The following FAM168A variants were observed in gnomAD, a reference collection of about 807,000 sequenced individuals.
The protein encoded by FAM168A is protein FAM168A.
FAM168A carries 3 observed loss-of-function variants against 28.5 expected under a neutral mutation model. The ratio of observed to expected loss-of-function variants is 0.11; its 90% confidence interval spans 0.05 to 0.27. The LOEUF (loss-of-function observed/expected upper bound fraction) is 0.27. FAM168A is among the 10% of genes least tolerant of loss of function. The pLI is 1.00. For missense variants in FAM168A, 222 were observed against 311.5 expected (o/e 0.71, Z 2.16); for synonymous variants, 122 against 124.2 (o/e 0.98, Z 0.12).
At chr11:73,459,495 A>G (rs980373356) in intron 2 of FAM168A, among the ~76,000 whole-genome samples, 2 of 150,716 alleles carry the variant, frequency 1.3e-5, no homozygotes, top group Non-Finnish European at 3.0e-5. Context: ...CAAAAAAAGA[A>G]AAAAAAAAGG....
chr11:73,579,310 T>C lies in FAM168A; in HGVS notation c.-19+18613A>G, dbSNP rs77469108. 5.9e-3 allele frequency among the ~76,000 whole-genome samples: 892 copies of C among 152,328 alleles called. 8 individuals carry two copies. Among genetic ancestry groups the C allele is most frequent in the Middle Eastern group, 0.027 (8 of 294 alleles). On this transcript the variant is annotated intron_variant, in intron 1 of 7. Coordinates refer to ENST00000356467, the MANE Select transcript of FAM168A (RefSeq NM_015159.3). ...CACTTTAGTTACTTCCTAACAATTA[T>C]ATAATGTAAATACCATTATGTCTCC...
intron 1 of FAM168A, among the ~76,000 whole-genome samples, chr11:73,524,622 G>C (rs1306662522): frequency 1.3e-5 from 2 of 151,646 alleles, no homozygotes; most frequent in African/African-American, 4.9e-5. Flanking sequence ...ATATGAAATA[G>C]AGTCTTGCTC....
intron 2 of FAM168A, among the ~76,000 whole-genome samples, chr11:73,451,445 A>ACTTTG (rs1341812562): frequency 2.0e-5 from 3 of 152,208 alleles, no homozygotes; most frequent in Non-Finnish European, 2.9e-5. Flanking sequence ...TTGAGAGTTC[A>ACTTTG]CTTTGTGTTA....
intron 1 of FAM168A, among the ~76,000 whole-genome samples, chr11:73,474,347 T>G (rs551661): frequency 1 from 151,382 of 152,004 alleles, 75,397 homozygotes; most frequent in Middle Eastern, 1. Context: ...TTTTTAAAGA[T>G]ATGGGGTCTT....
At chr11:73,573,501 C>G (rs1944133466) in intron 1 of FAM168A, among the ~76,000 whole-genome samples, 1 of 152,202 alleles carries the variant, frequency 6.6e-6, no homozygotes, top group Non-Finnish European at 1.5e-5. Context: ...TTCCACTATG[C>G]AGTTACATTC....
intron 2 of FAM168A, among the ~76,000 whole-genome samples, chr11:73,439,879 C>CTTTTTTTTTTTTTTTTTTTT (rs761818483): frequency 1.0e-5 from 1 of 97,042 alleles, no homozygotes; most frequent in Non-Finnish European, 2.0e-5. Flanking sequence ...TCTCAGGTCA[C>CTTTTTTTTTTTTTTTTTTTT]TTTTTTTTTT....
intron 1 of FAM168A, among the ~76,000 whole-genome samples, chr11:73,489,084 T>A (rs1868093703): frequency 6.6e-6 from 1 of 152,008 alleles, no homozygotes; most frequent in African/African-American, 2.4e-5. Context: ...TTTCACTATG[T>A]TGGCCAGGCT....
intron 1 of FAM168A, among the ~76,000 whole-genome samples, chr11:73,528,753 G>A (rs1943479469): frequency 6.6e-6 from 1 of 152,102 alleles, no homozygotes; most frequent in Non-Finnish European, 1.5e-5. Flanking sequence ...CCCCACTTGT[G>A]CCTGGATGAT....
At chr11:73,531,491 T>C (rs960241724) in intron 1 of FAM168A, among the ~76,000 whole-genome samples, 8 of 152,182 alleles carry the variant, frequency 5.3e-5, no homozygotes, top group African/African-American at 1.9e-4. Context: ...GAAGAAAGCC[T>C]GGCAAGACTG....
chr11:73,495,812 T>G (rs894618902), intron 1 of FAM168A, among the ~76,000 whole-genome samples: 3 of 152,170 alleles, frequency 2.0e-5, no homozygotes, highest in Non-Finnish European at 4.4e-5. Flanking sequence ...AACCCTTATT[T>G]AAAATTTGGT....
chr11:73,457,342 A>G (rs995170616), intron 2 of FAM168A, among the ~76,000 whole-genome samples: 3 of 151,612 alleles, frequency 2.0e-5, no homozygotes, highest in African/African-American at 7.3e-5. Context: ...GTGAGCTATG[A>G]TCGCACCACT....
chr11:73,434,729 CAGA>C (rs1867059137), intron 2 of FAM168A, among the ~76,000 whole-genome samples: 1 of 152,274 alleles, frequency 6.6e-6, no homozygotes, highest in South Asian at 2.1e-4. Context: ...GGGTTTTCAG[CAGA>C]AGAATAACAT....
At chr11:73,443,524 G>A (rs1382611985) in intron 2 of FAM168A, among the ~76,000 whole-genome samples, 2 of 152,128 alleles carry the variant, frequency 1.3e-5, no homozygotes, top group Non-Finnish European at 2.9e-5. Flanking sequence ...TTCTGGATTG[G>A]AAAGGTTGCT....
At chr11:73,482,475 GTATTT>G (rs1024684339) in intron 1 of FAM168A, among the ~76,000 whole-genome samples, 1 of 151,808 alleles carries the variant, frequency 6.6e-6, no homozygotes, top group African/African-American at 2.4e-5. Flanking sequence ...GTCTTCCTGG[GTATTT>G]TAGATCTATC....
chr11:73,457,224 A>ATT (rs113172303), intron 2 of FAM168A, among the ~76,000 whole-genome samples: 77 of 147,312 alleles, frequency 5.2e-4, no homozygotes, highest in African/African-American at 1.8e-3. Context: ...CCCTTCTTTA[A>ATT]TTTTTTTTTT....
chr11:73,450,679 C>T (rs563134126), intron 2 of FAM168A, among the ~76,000 whole-genome samples: 1 of 150,092 alleles, frequency 6.7e-6, no homozygotes, highest in African/African-American at 2.4e-5. Context: ...TCCCCTCCCC[C>T]CAAATCTAAA....
chr11:73,424,359 T>C (rs1362420781), intron 3 of FAM168A, among the ~76,000 whole-genome samples: 1 of 152,148 alleles, frequency 6.6e-6, no homozygotes, highest in African/African-American at 2.4e-5. Context: ...TCCCTTCCTG[T>C]CTATGACAAA....
intron 2 of FAM168A, among the ~76,000 whole-genome samples, chr11:73,445,419 C>CTCTCTCTCTTTTTTTTTTTTTTTTT (rs776745757): frequency 2.0e-5 from 1 of 50,432 alleles, no homozygotes; most frequent in African/African-American, 7.1e-5. Context: ...AAAAATGTCT[C>CTCTCTCTCTTTTTTTTTTTTTTTTT]TTTTTTTTTT....
At chr11:73,429,947 G>A (rs1192258956) in intron 3 of FAM168A, among the ~76,000 whole-genome samples, 1 of 152,128 alleles carries the variant, frequency 6.6e-6, no homozygotes, top group African/African-American at 2.4e-5. Flanking sequence ...GAGGTGAGGT[G>A]ACTTGCCCAA....
Sources: gnomAD v4.1 joint callset for allele counts (sites outside exome capture counted in the v4.1 genomes callset) on GRCh38, gnomAD v4.1.1 for gene constraint, MANE v1.5 for transcripts, NCBI Gene and HGNC (gene_info 2026-07-23, HGNC 2026-07-21) for gene names.